Variants in SNX29 observed in about 807,000 individuals in gnomAD.
The protein encoded by SNX29 is sorting nexin-29.
In SNX29, 78 loss-of-function variants were observed where a neutral mutation model predicts 102.1. The ratio of observed to expected loss-of-function variants is 0.76; its 90% CI spans 0.64 to 0.92. SNX29 has a LOEUF of 0.92. Among genes scored for constraint, SNX29 ranks in the 40% least tolerant of loss-of-function variants. SNX29 has a pLI of 0.00. For missense variants in SNX29, 1,280 were observed against 1,061.7 expected, an observed-to-expected ratio of 1.21 and a Z score of -2.86; for synonymous variants, 580 against 414.5, an observed-to-expected ratio of 1.40 and a Z score of -4.85.
intron 20 of SNX29, among the ~76,000 whole-genome samples, chr16:12,537,558 G>A (rs1333412646): frequency 6.6e-6 from 1 of 152,122 alleles, no homozygotes; most frequent in Non-Finnish European, 1.5e-5. Context: ...CTTCTCGAAG[G>A]GAAGCAATTT....
At chr16:12,145,653 A>T (rs990338008) in intron 13 of SNX29, among the ~76,000 whole-genome samples, 1 of 152,196 alleles carries the variant, frequency 6.6e-6, no homozygotes, top group Non-Finnish European at 1.5e-5. Flanking sequence ...TTATGCATAT[A>T]TGTATTTTAT....
At chr16:12,527,135 C>G (rs1479488193) in intron 20 of SNX29, 3 of 496,604 alleles carry the variant, frequency 6.0e-6, no homozygotes, top group South Asian at 4.9e-5. Flanking sequence ...TGTTCCAAAT[C>G]CCACAGCCCC....
intron 18 of SNX29, among the ~76,000 whole-genome samples, chr16:12,474,906 C>G (rs781074053): frequency 7.9e-5 from 12 of 152,198 alleles, no homozygotes; most frequent in Non-Finnish European, 1.8e-4. Context: ...GGAGTACGCC[C>G]ACGTGTGCTG....
intron 20 of SNX29, among the ~76,000 whole-genome samples, chr16:12,540,921 C>G (rs2077305690): frequency 6.6e-6 from 1 of 152,200 alleles, no homozygotes; most frequent in East Asian, 1.9e-4. Flanking sequence ...CCTGTCTGTT[C>G]ACCCCCTGCC....
intron 13 of SNX29, among the ~76,000 whole-genome samples, chr16:12,180,267 T>A (rs936819613): frequency 6.6e-6 from 1 of 152,220 alleles, no homozygotes; most frequent in African/African-American, 2.4e-5. Context: ...ATACTTTCTT[T>A]AATGTTCTGA....
At chr16:12,066,836 G>A (rs1430956089) in intron 9 of SNX29, among the ~76,000 whole-genome samples, 2 of 152,024 alleles carry the variant, frequency 1.3e-5, no homozygotes, top group Admixed American at 1.3e-4. Flanking sequence ...ATCTGTTATG[G>A]GGTGAGTTGA....
At chr16:12,156,383 A>G (rs779429543) in intron 13 of SNX29, among the ~76,000 whole-genome samples, 8 of 152,224 alleles carry the variant, frequency 5.3e-5, no homozygotes, top group Non-Finnish European at 8.8e-5. Flanking sequence ...CATGTTGGCC[A>G]GGATGGTCTC....
At chr16:12,452,334 G>A (rs192646151) in intron 18 of SNX29, among the ~76,000 whole-genome samples, 462 of 20,816 alleles carry the variant, frequency 0.022, 3 homozygotes, top group Admixed American at 0.054. Flanking sequence ...GGGATGCAGT[G>A]GAATGTCTCA....
At chr16:12,490,144 C>G (rs1325122246) in intron 19 of SNX29, among the ~76,000 whole-genome samples, 1 of 152,096 alleles carries the variant, frequency 6.6e-6, no homozygotes, top group Non-Finnish European at 1.5e-5. Context: ...TAGCATACCT[C>G]CAATTTTAAG....
chr16:12,185,211 G>A (rs1643951863), intron 13 of SNX29, among the ~76,000 whole-genome samples: 1 of 152,160 alleles, frequency 6.6e-6, no homozygotes, highest in South Asian at 2.1e-4. Flanking sequence ...GTAGATAACG[G>A]AAGTGAATAA....
chr16:12,039,689 T>C (rs1407299052), intron 4 of SNX29, among the ~76,000 whole-genome samples: 3 of 152,246 alleles, frequency 2.0e-5, no homozygotes, highest in Admixed American at 1.3e-4. Context: ...CAGCTTCCCC[T>C]ACTTGGAATA....
At chr16:12,552,290 T>G (rs972662182) in intron 20 of SNX29, among the ~76,000 whole-genome samples, 5 of 152,272 alleles carry the variant, frequency 3.3e-5, no homozygotes, top group Admixed American at 6.5e-5. Flanking sequence ...CTTCTGTGCC[T>G]CAGTTTCCTC....
chr16:12,538,008 C>T (rs974035990), intron 20 of SNX29, among the ~76,000 whole-genome samples: 1 of 150,716 alleles, frequency 6.6e-6, no homozygotes, highest in African/African-American at 2.5e-5. Flanking sequence ...AAAAAATTGT[C>T]TGCCATTTAT....
chr16:12,193,186 A>G (rs2043152027), intron 13 of SNX29, among the ~76,000 whole-genome samples: 1 of 152,240 alleles, frequency 6.6e-6, no homozygotes, highest in Admixed American at 6.5e-5. Context: ...ATGTATCAAT[A>G]GTGCATTCCT....
intron 3 of SNX29, among the ~76,000 whole-genome samples, chr16:12,012,031 T>C (rs2056670721): frequency 6.6e-6 from 1 of 152,226 alleles, no homozygotes; most frequent in Admixed American, 6.5e-5. Flanking sequence ...CCTCATTAAT[T>C]CCTTCATTCA....
At chr16:12,168,686 G>C (rs547098190) in intron 13 of SNX29, among the ~76,000 whole-genome samples, 2 of 152,184 alleles carry the variant, frequency 1.3e-5, no homozygotes, top group Non-Finnish European at 2.9e-5. Flanking sequence ...ACACAGAGGC[G>C]CTTCAGCCAC....
intron 20 of SNX29, among the ~76,000 whole-genome samples, chr16:12,555,108 A>AGCCTTTTGATAC (rs2078246382): frequency 1.5e-5 from 2 of 135,374 alleles, no homozygotes; most frequent in East Asian, 3.9e-4. Flanking sequence ...ATCAGGGACA[A>AGCCTTTTGATAC]TCTCAGAGTA....
intron 14 of SNX29, among the ~76,000 whole-genome samples, chr16:12,257,619 C>G (rs1350149002): frequency 6.6e-6 from 1 of 152,154 alleles, no homozygotes; most frequent in Non-Finnish European, 1.5e-5. Context: ...AGCGATCCTC[C>G]TGCCTCAGCC....
Position 12,568,961 on chromosome 16 carries a change from G to A in SNX29, c.*332G>A, listed in dbSNP as rs970371855. ...GGAGGGTGGGCACCAGGTCAGGCTG[G>A]GTGCGCCATGGTTGAGAGGCAAAGG... On this transcript the variant is annotated 3_prime_UTR_variant, in exon 21 of 21. Transcript: ENST00000566228. 1 of 369,800 alleles carries A rather than the reference G, an allele frequency of 2.7e-6. No homozygotes were observed. The highest frequency in any genetic ancestry group is 4.9e-6 in the Non-Finnish European group (1 of 203,884). The allele number at this position is 369,800 out of a possible 1,614,324, so 22.9% of individuals were successfully genotyped here. A position where few individuals can be genotyped will look rare whatever the true frequency, so the allele number is the denominator to read the frequency against.
Sources: allele counts gnomAD v4.1 joint callset (sites outside exome capture counted in the v4.1 genomes callset), GRCh38; gene constraint gnomAD v4.1.1; transcripts MANE v1.5; gene names NCBI Gene and HGNC (gene_info 2026-07-23, HGNC 2026-07-21).